Variants in NEDD8 observed in about 807,000 individuals in gnomAD.
The protein encoded by NEDD8 is ubiquitin-like protein NEDD8.
Under a neutral mutation model 13.8 loss-of-function variants are expected in NEDD8, and 1 was observed. The ratio of observed to expected loss-of-function variants is 0.07; its 90% CI spans 0.03 to 0.34. The LOEUF (loss-of-function observed/expected upper bound fraction) is 0.34. NEDD8 is among the 10% of genes least tolerant of loss of function. The pLI is 0.99. For missense variants in NEDD8, 10 were observed against 95.2 expected, an observed-to-expected ratio of 0.10 and a Z score of 3.73; for synonymous variants, 31 against 33.2, an observed-to-expected ratio of 0.93 and a Z score of 0.23.
At chr14:24,232,130 T>C in intron 1 of NEDD8, 120 bp downstream of exon 1, 1 of 1,527,346 alleles carries the variant, frequency 6.5e-7, no homozygotes, top group Non-Finnish European at 8.9e-7. Flanking sequence ...CGCGGAGCCC[T>C]GAGGCAGTCA....
intron 1 of NEDD8, among the ~76,000 whole-genome samples, chr14:24,221,308 G>A (rs368068592): frequency 1.4e-5 from 2 of 147,270 alleles, no homozygotes; most frequent in African/African-American, 2.5e-5. Flanking sequence ...TTTTTGAGAC[G>A]GGGTCTCAGT....
intron 1 of NEDD8, 42 bp downstream of exon 1, chr14:24,232,208 C>A (rs774265073): frequency 2.5e-6 from 4 of 1,613,904 alleles, no homozygotes; most frequent in Non-Finnish European, 3.4e-6. Context: ...CTGCTGCCAG[C>A]CCAGTACTAC....
Position 24,217,078 on chromosome 14 carries a change from T to G in NEDD8, c.*49A>C, listed in dbSNP as rs1405876568. The G allele has an allele frequency of 6.9e-7, 1 of 1,458,970 alleles. No individual in the cohort carries two copies. Among genetic ancestry groups the G allele is most frequent in the Non-Finnish European group, 9.5e-7 (1 of 1,050,956 alleles). 90.4% of individuals were successfully genotyped at this position (1,458,970 alleles called of 1,614,324 possible). A position where few individuals can be genotyped will look rare whatever the true frequency, so the allele number is the denominator to read the frequency against. On this transcript the variant is annotated 3_prime_UTR_variant, in exon 4 of 4. Transcript: ENST00000250495. ...GTGTCCCAGAGAGTGAGAGGATATATGATGCCTCATTATGAGCGACAGGGT... is the reference window on the plus strand; with the variant it reads ...GTGTCCCAGAGAGTGAGAGGATATAGGATGCCTCATTATGAGCGACAGGGT...
chr14:24,219,577 A>C lies in NEDD8; in HGVS notation c.19-1146T>G, dbSNP rs562338243. On this transcript the variant is annotated intron_variant, in intron 1 of 3. Coordinates refer to ENST00000250495, the MANE Select transcript of NEDD8 (RefSeq NM_006156.3). The stretch of plus-strand genomic sequence containing the variant: ...CCCATATCTTTCCAGACTTCTACCT[A>C]AATCCTAAATTGCAGCTCTTGTCTT... 3.9e-5 allele frequency among the ~76,000 whole-genome samples: 6 copies of C among 152,114 alleles called. No individual in the cohort carries two copies. The East Asian group carries it at 9.6e-4, about 24-fold the overall frequency.
At chr14:24,219,283 G>A (rs892593441) in intron 1 of NEDD8, among the ~76,000 whole-genome samples, 7 of 150,340 alleles carry the variant, frequency 4.7e-5, no homozygotes, top group Admixed American at 1.3e-4. Flanking sequence ...ACAACACAGC[G>A]AAACCCTGTC....
chr14:24,229,882 C>T (rs2039961021), intron 1 of NEDD8, among the ~76,000 whole-genome samples: 1 of 152,016 alleles, frequency 6.6e-6, no homozygotes. Context: ...ACCATCCTGG[C>T]CAACCTGGTG....
At chr14:24,230,534 CAAA>C (rs1181616079) in intron 1 of NEDD8, among the ~76,000 whole-genome samples, 3 of 65,068 alleles carry the variant, frequency 4.6e-5, no homozygotes, top group South Asian at 7.1e-4. Context: ...GACTCTGTCT[CAAA>C]AAAAAAAAAA....
chr14:24,219,149 T>A (rs1195147014), intron 1 of NEDD8, among the ~76,000 whole-genome samples: 1 of 152,112 alleles, frequency 6.6e-6, no homozygotes, highest in East Asian at 1.9e-4. Flanking sequence ...CCAGAAATCA[T>A]CTCAGCAGTT....
chr14:24,230,582 T>C (rs2039979247), intron 1 of NEDD8, among the ~76,000 whole-genome samples: 1 of 145,244 alleles, frequency 6.9e-6, no homozygotes, highest in African/African-American at 2.5e-5. Flanking sequence ...TACCTAGCAC[T>C]ATATTATTTC....
chr14:24,227,420 G>A (rs894329658), intron 1 of NEDD8: 1 of 152,220 alleles, frequency 6.6e-6, no homozygotes, highest in African/African-American at 2.4e-5. Context: ...CTACACTTTA[G>A]AGGGGATATG....
At chr14:24,225,825 G>C (rs2039881651) in intron 1 of NEDD8, among the ~76,000 whole-genome samples, 1 of 152,124 alleles carries the variant, frequency 6.6e-6, no homozygotes, top group Non-Finnish European at 1.5e-5. Flanking sequence ...GATCACCTGA[G>C]GTCAGGAGTT....
intron 1 of NEDD8, among the ~76,000 whole-genome samples, chr14:24,231,246 G>C (rs1403358467): frequency 2.0e-5 from 3 of 151,990 alleles, no homozygotes; most frequent in Admixed American, 2.0e-4. Flanking sequence ...TTGATGTTAC[G>C]ACTCTTATAT....
intron 1 of NEDD8, among the ~76,000 whole-genome samples, chr14:24,228,906 G>A (rs1420142839): frequency 6.6e-6 from 1 of 151,894 alleles, no homozygotes; most frequent in South Asian, 2.1e-4. Flanking sequence ...TGGGGCGAGA[G>A]GGGGAGATAG....
At chr14:24,224,290 C>A (rs558622040) in intron 1 of NEDD8, among the ~76,000 whole-genome samples, 2 of 152,020 alleles carry the variant, frequency 1.3e-5, no homozygotes, top group East Asian at 3.9e-4. Context: ...TCTCGAACTC[C>A]TGACCTCAAA....
At chr14:24,228,719 C>CAAAAA (rs11305549) in intron 1 of NEDD8, 10 of 69,790 alleles carry the variant, frequency 1.4e-4, no homozygotes, top group African/African-American at 4.6e-4. Flanking sequence ...GAACCTGTCT[C>CAAAAA]AAAAAAAAAA....
chr14:24,224,244 A>G (rs960974872), intron 1 of NEDD8, among the ~76,000 whole-genome samples: 4 of 151,978 alleles, frequency 2.6e-5, no homozygotes, highest in Non-Finnish European at 5.9e-5. Flanking sequence ...TTGTATTTTT[A>G]GTAGAGATGG....
At chr14:24,231,489 G>A (rs1261473454) in intron 1 of NEDD8, among the ~76,000 whole-genome samples, 2 of 143,066 alleles carry the variant, frequency 1.4e-5, no homozygotes, top group African/African-American at 5.5e-5. Context: ...TTTTTGAGGG[G>A]GGCGTGGGGG....
In NEDD8 at chr14:24,217,034, G is replaced by A; in HGVS notation, c.*93C>T. The A allele has an allele frequency of 2.1e-6, 2 of 966,718 alleles. No individual in the cohort carries two copies. Among genetic ancestry groups the A allele is most frequent in the South Asian group, 1.5e-5 (1 of 67,380 alleles). The allele number at this position is 966,718 out of a possible 1,614,324, so 59.9% of individuals were successfully genotyped here. A position where few individuals can be genotyped will look rare whatever the true frequency, so the allele number is the denominator to read the frequency against. ...AGACATACATTACTGGGCATCCAGG[G>A]GAGGGGGCAGTGGCTATGGTGTCCC... On this transcript the variant is annotated 3_prime_UTR_variant, in exon 4 of 4. Transcript: ENST00000250495.
chr14:24,226,574 A>T (rs2039895103), intron 1 of NEDD8: 1 of 152,196 alleles, frequency 6.6e-6, no homozygotes, highest in Non-Finnish European at 1.5e-5. Context: ...AATGTTAATC[A>T]ATTTAAGCCT....
Sources: allele counts gnomAD v4.1 joint callset (sites outside exome capture counted in the v4.1 genomes callset), GRCh38; gene constraint gnomAD v4.1.1; transcripts MANE v1.5; gene names NCBI Gene and HGNC (gene_info 2026-07-23, HGNC 2026-07-21).